The following MEF2C variants were observed in gnomAD, a reference collection of about 807,000 sequenced individuals.
MEF2C encodes myocyte-specific enhancer factor 2C.
Under a neutral mutation model 50.5 loss-of-function variants are expected in MEF2C, and 6 were observed. That is an observed-to-expected ratio of 0.12 (90% confidence interval 0.07 to 0.23). The LOEUF (loss-of-function observed/expected upper bound fraction) is 0.23, where lower values mean the gene tolerates loss of function less well. Ranked by LOEUF, MEF2C falls within the 10% of genes least tolerant of loss-of-function variation. The probability of loss-of-function intolerance (pLI) is 1.00; values close to 1 mark genes in which losing one functional copy is unlikely to be tolerated. For missense variants in MEF2C, 276 were observed against 605.0 expected, an observed-to-expected ratio of 0.46 and a Z score of 5.70; for synonymous variants, 183 against 228.0, an observed-to-expected ratio of 0.80 and a Z score of 1.78.
chr5:88,734,394 A>G, intron 6 of MEF2C: 1 of 985,312 alleles, frequency 1.0e-6, no homozygotes. Context: ...TGAATAGATC[A>G]GAAGAAACTA....
rs775072418 is a variant in MEF2C at position 88,749,122 on chromosome 5, G to C, written c.590-5C>G. 1.3e-6 allele frequency: 2 copies of C among 1,560,944 alleles called. No homozygotes were observed. The highest frequency in any genetic ancestry group is 1.7e-6 in the Non-Finnish European group (2 of 1,153,590). ...GGTCTCCACCCATCAGACCACCTAT[G>C]GATTAAAGAGGAAGATCAAAACGAG... On this transcript the variant is annotated splice_region_variant and splice_polypyrimidine_tract_variant and intron_variant, in intron 5 of 10. Transcript: ENST00000504921.
chr5:88,737,748 G>A (rs1240729043), intron 6 of MEF2C: 2 of 985,262 alleles, frequency 2.0e-6, no homozygotes, highest in African/African-American at 1.7e-5. Flanking sequence ...TGAAACAATG[G>A]ATCTTGAAGA....
At chr5:88,749,872 T>C (rs531585407) in intron 5 of MEF2C, among the ~76,000 whole-genome samples, 14 of 152,008 alleles carry the variant, frequency 9.2e-5, no homozygotes, top group East Asian at 3.9e-4. Context: ...CTACTAAAAA[T>C]ACAAAAAATT....
intron 3 of MEF2C, among the ~76,000 whole-genome samples, chr5:88,770,599 CTCT>C (rs1396828790): frequency 6.6e-6 from 1 of 152,176 alleles, no homozygotes; most frequent in Non-Finnish European, 1.5e-5. Flanking sequence ...TCATCCATTT[CTCT>C]CCCATCTTTC....
intron 2 of MEF2C, among the ~76,000 whole-genome samples, chr5:88,814,729 C>G (rs1441835484): frequency 2.0e-5 from 3 of 152,046 alleles, no homozygotes; most frequent in African/African-American, 7.2e-5. Context: ...TAATAAATCA[C>G]AGTTAGATCT....
At chr5:88,746,722 T>A in intron 6 of MEF2C, 1 of 983,680 alleles carries the variant, frequency 1.0e-6, no homozygotes, top group African/African-American at 1.7e-5. Flanking sequence ...GCCTGACATA[T>A]GATACTGGTT....
At chr5:88,814,743 T>G (rs1179016698) in intron 2 of MEF2C, among the ~76,000 whole-genome samples, 1 of 152,088 alleles carries the variant, frequency 6.6e-6, no homozygotes, top group African/African-American at 2.4e-5. Context: ...TAGATCTAAA[T>G]TAAATAATCG....
At chr5:88,877,681 C>G (rs1404999761) in intron 1 of MEF2C, among the ~76,000 whole-genome samples, 1 of 151,938 alleles carries the variant, frequency 6.6e-6, no homozygotes, top group African/African-American at 2.4e-5. Flanking sequence ...TCAATATTGT[C>G]TGTAAAATAA....
intron 5 of MEF2C, chr5:88,751,598 T>C (rs1459705058): frequency 2.2e-6 from 2 of 916,026 alleles, no homozygotes; most frequent in Non-Finnish European, 2.6e-6. Context: ...TGTTTGAGAG[T>C]ATGTGGTTAA....
At chr5:88,734,644 T>G (rs555764712) in intron 6 of MEF2C, 1 of 979,750 alleles carries the variant, frequency 1.0e-6, no homozygotes, top group Non-Finnish European at 1.2e-6. Flanking sequence ...ACAAAGCCTA[T>G]GTCTTTTTGC....
At chr5:88,854,186 C>T (rs866528449) in intron 1 of MEF2C, among the ~76,000 whole-genome samples, 2 of 152,250 alleles carry the variant, frequency 1.3e-5, no homozygotes, top group South Asian at 2.1e-4. Flanking sequence ...CAGTTTTCTT[C>T]TCTGTGAAAT....
chr5:88,823,646 A>G, intron 2 of MEF2C, 89 bp downstream of exon 2: 1 of 1,235,176 alleles, frequency 8.1e-7, no homozygotes, highest in Non-Finnish European at 1.1e-6. Flanking sequence ...ATAGATATTT[A>G]CAGATTCAAG....
At chr5:88,898,867 A>G (rs1835366347) in intron 1 of MEF2C, among the ~76,000 whole-genome samples, 1 of 152,124 alleles carries the variant, frequency 6.6e-6, no homozygotes, top group South Asian at 2.1e-4. Context: ...TTTATTCATC[A>G]TACATAACCT....
chr5:88,727,666 T>C (rs1759485362), intron 10 of MEF2C, among the ~76,000 whole-genome samples: 2 of 152,192 alleles, frequency 1.3e-5, no homozygotes, highest in East Asian at 3.8e-4. Flanking sequence ...AAGCTTGTTA[T>C]CTTTAAATAT....
At chr5:88,839,351 C>CTCTCTCTCTCTCTCTCTATCTA (rs10694803) in intron 1 of MEF2C, 1 of 146,296 alleles carries the variant, frequency 6.8e-6, no homozygotes, top group African/African-American at 2.6e-5. Flanking sequence ...CTCTCTCTCT[C>CTCTCTCTCTCTCTCTCTATCTA]TCTATCTATC....
intron 3 of MEF2C, among the ~76,000 whole-genome samples, chr5:88,788,406 C>T (rs1157783304): frequency 6.7e-5 from 10 of 150,214 alleles, no homozygotes; most frequent in African/African-American, 2.2e-4. Context: ...GATGAGGTTT[C>T]ACCATGTAGG....
intron 1 of MEF2C, among the ~76,000 whole-genome samples, chr5:88,839,774 C>G (rs1231166831): frequency 6.6e-6 from 1 of 151,988 alleles, no homozygotes; most frequent in South Asian, 2.1e-4. Context: ...TCTTTTGTAT[C>G]GTATGAAATA....
At chr5:88,734,414 C>A (rs1762984595) in intron 6 of MEF2C, 1 of 985,172 alleles carries the variant, frequency 1.0e-6, no homozygotes, top group Non-Finnish European at 1.2e-6. Flanking sequence ...AAAACCCCAG[C>A]TCGGTAGATG....
At position 88,857,942 on chromosome 5, in the gene MEF2C, C is replaced by T. The variant is rs541380617; in HGVS notation, c.-143+25013G>A. Among the ~76,000 whole-genome samples the T allele has an allele frequency of 9.2e-5, 14 of 152,188 alleles. No homozygotes were observed. In the South Asian group the frequency reaches 1.0e-3, roughly 11 times the overall value. The stretch of plus-strand genomic sequence containing the variant: ...TAAATTATGGTCCAAGTCTAGAGGA[C>T]GCAGAGAAAAATCTCAAAGCATGAT... On this transcript the variant is annotated intron_variant, in intron 1 of 10. Coordinates refer to ENST00000504921, the MANE Select transcript of MEF2C (RefSeq NM_002397.5).
Sources: allele counts gnomAD v4.1 joint callset (sites outside exome capture counted in the v4.1 genomes callset), GRCh38; gene constraint gnomAD v4.1.1; transcripts MANE v1.5; gene names NCBI Gene and HGNC (gene_info 2026-07-23, HGNC 2026-07-21).